SIGLEC1: variants seen among roughly 807,000 people sequenced by gnomAD.
SIGLEC1 encodes sialoadhesin.
Under a neutral mutation model 148.0 loss-of-function variants are expected in SIGLEC1, and 132 were observed. That is an observed-to-expected ratio of 0.89 (90% CI 0.77 to 1.03). The LOEUF (loss-of-function observed/expected upper bound fraction) is 1.03, where lower values mean the gene tolerates loss of function less well. SIGLEC1 is among the 50% of genes least tolerant of loss of function. SIGLEC1 has a pLI of 0.00. For missense variants in SIGLEC1, 2,253 were observed against 2,271.4 expected (o/e 0.99, Z 0.16); for synonymous variants, 945 against 969.0 (o/e 0.98, Z 0.46).
rs1203445272 is a variant in SIGLEC1, at chr20:3,690,131, G to A, written c.4725C>T (p.Ser1575=). The change falls in exon 19 of 22, where the codon TCC becomes TCT. Residue 1575 remains serine, a synonymous_variant. Transcript: ENST00000344754. Reference sequence around the variant, plus strand: ...CTGCAGGAGCACCCTGGGGCTGACTGGAGGCCACCAGTCGACTGCCAAGGT... The same window carrying A: ...CTGCAGGAGCACCCTGGGGCTGACTAGAGGCCACCAGTCGACTGCCAAGGT... ...TLHLGSRLVA[S]SQPQGAPAEP... is the part of the protein sequence containing the mutation. The A allele has an allele frequency of 6.2e-7, 1 of 1,607,560 alleles. No homozygotes were observed. Among genetic ancestry groups the A allele is most frequent in the East Asian group, 2.2e-5 (1 of 44,586 alleles).
At chr20:3,709,392 G>A (rs2087916850) in intron 1 of SIGLEC1, among the ~76,000 whole-genome samples, 1 of 152,196 alleles carries the variant, frequency 6.6e-6, no homozygotes, top group Non-Finnish European at 1.5e-5. Flanking sequence ...CCGTTAGAAT[G>A]GCTATTCACA....
chr20:3,696,895 G>A lies in SIGLEC1; in HGVS notation c.2381-7C>T. ...TTTGGACGGTCCGGGGGATCTGCAG[G>A]AACAGAGGGAGCTGAGGCCACCCAG... is the stretch of plus-strand genomic sequence containing the variant. On this transcript the variant is annotated splice_polypyrimidine_tract_variant and splice_region_variant and intron_variant, in intron 10 of 21. Coordinates refer to ENST00000344754, the MANE Select transcript of SIGLEC1 (RefSeq NM_023068.4). The A allele has an allele frequency of 1.9e-6, 3 of 1,544,576 alleles. No individual in the cohort carries two copies. The highest frequency in any genetic ancestry group is 2.6e-6 in the Non-Finnish European group (3 of 1,148,148).
intron 5 of SIGLEC1, 140 bp downstream of exon 5, chr20:3,703,683 AGG>A: frequency 8.3e-7 from 1 of 1,204,328 alleles, no homozygotes; most frequent in Non-Finnish European, 1.1e-6. Flanking sequence ...ATGGTAAGGC[AGG>A]GCTGGGACTC....
rs751382388 is a variant in SIGLEC1, at chr20:3,698,077, C to T, written c.1843G>A (p.Gly615Arg). 9.3e-6 allele frequency: 15 copies of T among 1,608,366 alleles called. No homozygotes were observed. The highest frequency in any genetic ancestry group is 2.2e-5 in the South Asian group (2 of 90,534). Reference protein sequence around the residue: ...TRLDLDAAGAGAGRRGLLLCR... With the variant: ...TRLDLDAAGARAGRRGLLLCR... ...AAAAGGAGGCCTCGCCGTCCAGCCCCGGCCCCAGCGGCATCAAGGTCCAGC... is the reference window on the plus strand; with the variant it reads ...AAAAGGAGGCCTCGCCGTCCAGCCCTGGCCCCAGCGGCATCAAGGTCCAGC... The change falls in exon 9 of 22, where the codon GGG becomes AGG. Residue 615 changes from glycine (G) to arginine (R), a missense_variant. By Grantham distance (125) the Gly-to-Arg change is moderately radical (BLOSUM62 -2). Transcript: ENST00000344754.
At chr20:3,701,275 G>A (rs1390307679) in intron 7 of SIGLEC1, 67 bp downstream of exon 7, 1 of 1,413,656 alleles carries the variant, frequency 7.1e-7, no homozygotes, top group Non-Finnish European at 9.6e-7. Context: ...CTTCTAGAAG[G>A]AACAGACTGG....
chr20:3,694,627 C>T (rs1305932234), intron 12 of SIGLEC1, 36 bp downstream of exon 12: 2 of 1,588,508 alleles, frequency 1.3e-6, no homozygotes. Context: ...GGACTGCATT[C>T]CTTCCCCCAC....
chr20:3,692,295 T>A (rs2088772872), intron 16 of SIGLEC1, 93 bp from the exon 17 acceptor site: 7 of 1,322,996 alleles, frequency 5.3e-6, no homozygotes, highest in Non-Finnish European at 7.1e-6. Flanking sequence ...CTGAGGCCTC[T>A]GGACCAATGG....
chr20:3,696,540 C>T lies in SIGLEC1; in HGVS notation c.2683+46G>A, dbSNP rs761743306. ...AGCCCAAAGTCTGACCAGAGTAGTC[C>T]CCAGGGCATCAGAGTCTACCATATC... On this transcript the variant is annotated intron_variant, in intron 11 of 21. Coordinates refer to ENST00000344754, the MANE Select transcript of SIGLEC1 (RefSeq NM_023068.4). 4.5e-6 allele frequency: 7 copies of T among 1,539,136 alleles called. No individual in the cohort carries two copies. The African/African-American group carries it at 5.5e-5, about 12-fold the overall frequency.
In SIGLEC1 at chr20:3,703,377, T is replaced by C; in HGVS notation, c.1048A>G (p.Asn350Asp). Residue 350 changes from asparagine (N) to aspartate (D), a missense_variant, in exon 6 of 22, where the codon AAT becomes GAT. Coordinates refer to ENST00000344754, the MANE Select transcript of SIGLEC1 (RefSeq NM_023068.4). Reference protein sequence around the residue: ...QTVTLVCNTPNEAPSDLRYSW... With the variant: ...QTVTLVCNTPDEAPSDLRYSW... ...TAGCGGAGATCACTGGGTGCCTCAT[T>C]GGGTGTGTTGCAGACTAGTGTCACT... 1 of 1,612,094 alleles carries C rather than the reference T, an allele frequency of 6.2e-7. No homozygotes were observed. The highest frequency in any genetic ancestry group is 1.7e-4 in the Middle Eastern group (1 of 6,048).
intron 5 of SIGLEC1, 113 bp from the exon 6 acceptor site, chr20:3,703,564 C>G (rs2087869395): frequency 7.4e-7 from 1 of 1,348,980 alleles, no homozygotes; most frequent in Non-Finnish European, 1.0e-6. Flanking sequence ...TCCTACACCA[C>G]CCGCCTGCTG....
At position 3,706,556 on chromosome 20, in the gene SIGLEC1, C is replaced by A; in HGVS notation, c.200G>T (p.Arg67Leu). 1 of 1,612,912 alleles carries A rather than the reference C, an allele frequency of 6.2e-7. No homozygotes were observed. Among genetic ancestry groups the A allele is most frequent in the Non-Finnish European group, 8.5e-7 (1 of 1,179,876 alleles). Reference protein sequence around the residue: ...AIWYYDYSGQRQVVSHSADPK... With the variant: ...AIWYYDYSGQLQVVSHSADPK... ...GTCCGCCGAGTGGCTCACCACCTGC[C>A]GCTGGCCCGAGTAGTCGTAGTACCA... The change falls in exon 3 of 22, where the codon CGG becomes CTG. Residue 67 changes from arginine to leucine, a missense_variant. Physicochemically the swap from Arg to Leu is moderately radical, Grantham distance 102. Coordinates refer to ENST00000344754, the MANE Select transcript of SIGLEC1 (RefSeq NM_023068.4).
Position 3,703,306 on chromosome 20 carries a change from A to G in SIGLEC1, c.1119T>C (p.His373=). 1.9e-6 allele frequency: 3 copies of G among 1,614,146 alleles called. No homozygotes were observed. The highest frequency in any genetic ancestry group is 2.5e-6 in the Non-Finnish European group (3 of 1,180,000). Residue 373 remains histidine (H), a synonymous_variant, in exon 6 of 22, where the codon CAT becomes CAC. Transcript: ENST00000344754. Reference sequence around the variant, plus strand: ...TAGTGGCCAAGTGCAGCCGGAGGGTATGGGAGTGGGCATCCTCCAGCAGGA... The same window carrying G: ...TAGTGGCCAAGTGCAGCCGGAGGGTGTGGGAGTGGGCATCCTCCAGCAGGA... ...NHVLLEDAHS[H]TLRLHLATRA...
At chr20:3,695,784 TCTTTC>T (rs958202519) in intron 11 of SIGLEC1, among the ~76,000 whole-genome samples, 1 of 151,292 alleles carries the variant, frequency 6.6e-6, no homozygotes, top group Non-Finnish European at 1.5e-5. Flanking sequence ...ATGGGCATTA[TCTTTC>T]CTTTTTCCTG....
Position 3,688,354 on chromosome 20 carries a change from C to A in SIGLEC1, c.*206G>T. On this transcript the variant is annotated 3_prime_UTR_variant, in exon 22 of 22. Transcript: ENST00000344754. ...CAGCTCAGTGCTCTTCAGTGTCCTCCAGGGTCAACACCCTCCTGGGCAGAC... is the reference window on the plus strand; with the variant it reads ...CAGCTCAGTGCTCTTCAGTGTCCTCAAGGGTCAACACCCTCCTGGGCAGAC... 1 of 612,016 alleles carries A rather than the reference C, an allele frequency of 1.6e-6. No individual in the cohort carries two copies. Among genetic ancestry groups the A allele is most frequent in the South Asian group, 1.8e-5 (1 of 56,984 alleles). 37.9% of individuals were successfully genotyped at this position (612,016 alleles called of 1,614,324 possible).
At chr20:3,701,700 C>A in intron 6 of SIGLEC1, 59 bp from the exon 7 acceptor site, 1 of 1,464,464 alleles carries the variant, frequency 6.8e-7, no homozygotes, top group Non-Finnish European at 9.1e-7. Flanking sequence ...CCTGGATACC[C>A]TGATACAACC....
Position 3,689,615 on chromosome 20 carries a change from GC to G in SIGLEC1, c.4981del (p.Ala1661ProfsTer66). 1.3e-6 allele frequency: 2 copies of G among 1,581,008 alleles called. No homozygotes were observed. Among genetic ancestry groups the G allele is most frequent in the Non-Finnish European group, 1.7e-6 (2 of 1,163,480 alleles). ...CCAGACCCACCTCCAGGTGTAGCAGGCCCCCAGGCCCAACAGCAGGAGCAGG... is the reference window on the plus strand; with the variant it reads ...CCAGACCCACCTCCAGGTGTAGCAGGCCCCAGGCCCAACAGCAGGAGCAGG... ...GLLLLLLGLGACYTWRRRRVC... is the reference protein window; with the variant it reads ...GLLLLLLGLGXCYTWRRRRVC... On this transcript the variant is annotated frameshift_variant, in exon 20 of 22. Coordinates refer to ENST00000344754, the MANE Select transcript of SIGLEC1 (RefSeq NM_023068.4). LOFTEE classifies it high-confidence loss of function.
In SIGLEC1 at chr20:3,703,328, A is replaced by G; in HGVS notation, c.1097T>C (p.Leu366Pro). The change falls in exon 6 of 22, where the codon CTG becomes CCG. Residue 366 changes from leucine (L) to proline (P), a missense_variant. Coordinates refer to ENST00000344754, the MANE Select transcript of SIGLEC1 (RefSeq NM_023068.4). ...LRYSWYKNHV[L>P]LEDAHSHTLR... ...GGTATGGGAGTGGGCATCCTCCAGC[A>G]GGACATGGTTCTTGTACCAGCTGTA... 6.2e-7 allele frequency: 1 copy of G among 1,614,172 alleles called. No individual in the cohort carries two copies. Among genetic ancestry groups the G allele is most frequent in the Non-Finnish European group, 8.5e-7 (1 of 1,180,004 alleles).
In SIGLEC1 at chr20:3,699,568, T is replaced by G. The variant is rs2087833463; in HGVS notation, c.1529-109A>C. The G allele has an allele frequency of 2.8e-6, 4 of 1,403,746 alleles. No homozygotes were observed. In the Admixed American group the frequency reaches 1.0e-4, roughly 35 times the overall value. The allele number at this position is 1,403,746 out of a possible 1,614,324, so 87.0% of individuals were successfully genotyped here. On this transcript the variant is annotated intron_variant, in intron 7 of 21. Coordinates refer to ENST00000344754, the MANE Select transcript of SIGLEC1 (RefSeq NM_023068.4). ...CTTTCCCCACACTACTGTAGGTAGCTCTGGGCTTTGTGGTGCATCAGGAGG... is the reference window on the plus strand; with the variant it reads ...CTTTCCCCACACTACTGTAGGTAGCGCTGGGCTTTGTGGTGCATCAGGAGG...
rs6037652 is a variant in SIGLEC1, at chr20:3,710,681, C to T, written c.-110+1789G>A. On this transcript the variant is annotated intron_variant, in intron 1 of 21. Transcript: ENST00000344754. This position sits in a 1 kb window ranked among gnomAD's most constrained non-coding sequence, Gnocchi z 4.6. ...CCAGGGCAGCTATCTTGTCCCAGCT[C>T]CCCTGTTCCTCCCATTTGGGGTCCT... 8.3e-3 allele frequency among the ~76,000 whole-genome samples: 1,260 copies of T among 152,304 alleles called. 15 individuals carry two copies. The highest frequency in any genetic ancestry group is 0.029 in the African/African-American group (1,197 of 41,568).
Sources: allele counts gnomAD v4.1 joint callset (sites outside exome capture counted in the v4.1 genomes callset), GRCh38; gene constraint gnomAD v4.1.1; non-coding constraint Gnocchi (gnomAD v3.1); transcripts MANE v1.5; gene names NCBI Gene and HGNC (gene_info 2026-07-23, HGNC 2026-07-21).